KALRN: variants seen among roughly 807,000 people sequenced by gnomAD.
KALRN encodes the protein kalirin RhoGEF kinase.
A neutral mutation model predicts 353.7 loss-of-function variants in KALRN; 70 were observed. The observed-to-expected ratio is 0.20, with a 90% CI of 0.16 to 0.24. The LOEUF is 0.24. Ranked by LOEUF, KALRN falls within the 10% of genes least tolerant of loss-of-function variation. KALRN has a pLI of 1.00. For synonymous variants in KALRN, 1,391 were observed against 1,434.8 expected (o/e 0.97, Z 0.69); for missense variants, 2,791 against 3,756.7 (o/e 0.74, Z 6.72).
chr3:124,360,663 G>T (rs1176507806), intron 10 of KALRN, among the ~76,000 whole-genome samples: 2 of 152,188 alleles, frequency 1.3e-5, no homozygotes, highest in African/African-American at 4.8e-5. Flanking sequence ...TATTGATTCT[G>T]AAAGCAAACC....
intron 1 of KALRN, among the ~76,000 whole-genome samples, chr3:124,196,327 C>T (rs969109176): frequency 1.3e-5 from 2 of 152,068 alleles, no homozygotes; most frequent in African/African-American, 4.8e-5. Flanking sequence ...AGTCTTACTG[C>T]TGTTATTACA....
intron 7 of KALRN, among the ~76,000 whole-genome samples, 157 bp from the exon 8 acceptor site, chr3:124,329,704 T>C (rs1033174152): frequency 6.6e-6 from 1 of 152,054 alleles, no homozygotes; most frequent in African/African-American, 2.4e-5. Flanking sequence ...GGAGTTAGTG[T>C]TCATAGAATT....
chr3:124,314,848 T>A (rs1179142634), intron 6 of KALRN, among the ~76,000 whole-genome samples: 1 of 152,102 alleles, frequency 6.6e-6, no homozygotes, highest in Non-Finnish European at 1.5e-5. Context: ...AGATACAGGG[T>A]CTCACTATGT....
At position 124,268,806 on chromosome 3, in the gene KALRN, T is replaced by G; in HGVS notation, c.520T>G (p.Phe174Val). 6.2e-7 allele frequency: 1 copy of G among 1,613,920 alleles called. No individual in the cohort carries two copies. Among genetic ancestry groups the G allele is most frequent in the East Asian group, 2.2e-5 (1 of 44,872 alleles). The change falls in exon 5 of 60, where the codon TTT becomes GTT. Residue 174 changes from phenylalanine to valine, a missense_variant. This residue lies in a region of KALRN where 110 missense variants were observed against 204.1 expected (regional missense o/e 0.54). Coordinates refer to ENST00000682506, the MANE Select transcript of KALRN (RefSeq NM_001388419.1). ...LVDPSQLTEE[F>V]DGSLDYNHEE... ...GGACCCCTCCCAGCTGACGGAGGAG[T>G]TTGATGGCTCCCTGGACTACAACCA... is the stretch of plus-strand genomic sequence containing the variant.
intron 1 of KALRN, among the ~76,000 whole-genome samples, chr3:124,054,592 C>T (rs1485189552): frequency 6.6e-6 from 1 of 152,096 alleles, no homozygotes; most frequent in Non-Finnish European, 1.5e-5. Context: ...TCATGGTGCT[C>T]AGTTAGCCAG....
intron 34 of KALRN, among the ~76,000 whole-genome samples, chr3:124,566,951 C>T (rs2072916801): frequency 6.6e-6 from 1 of 152,144 alleles, no homozygotes; most frequent in Admixed American, 6.5e-5. Context: ...CTGTGTGAAG[C>T]AGGGACTATG....
intron 57 of KALRN, among the ~76,000 whole-genome samples, chr3:124,709,819 G>A (rs1280817285): frequency 1.3e-5 from 2 of 152,184 alleles, no homozygotes; most frequent in Non-Finnish European, 2.9e-5. Flanking sequence ...TACTAATTGA[G>A]AGAGCACCCG....
chr3:124,672,816 G>GTTAA (rs945790630), intron 48 of KALRN, among the ~76,000 whole-genome samples: 2 of 152,214 alleles, frequency 1.3e-5, no homozygotes, highest in Admixed American at 6.5e-5. Context: ...AGCCGAGTTA[G>GTTAA]TTAACCTCAT....
intron 34 of KALRN, among the ~76,000 whole-genome samples, chr3:124,587,405 CCTT>C (rs1313111294): frequency 6.6e-6 from 1 of 152,114 alleles, no homozygotes; most frequent in Non-Finnish European, 1.5e-5. Context: ...AAGGATACCT[CCTT>C]CTAAAGTCTG....
intron 9 of KALRN, among the ~76,000 whole-genome samples, chr3:124,345,039 A>G (rs2082131840): frequency 6.6e-6 from 1 of 152,220 alleles, no homozygotes; most frequent in South Asian, 2.1e-4. Context: ...AGCTAGAGAT[A>G]AAAAATGAGA....
intron 1 of KALRN, among the ~76,000 whole-genome samples, chr3:124,118,641 T>C (rs2063687402): frequency 6.6e-6 from 1 of 152,224 alleles, no homozygotes; most frequent in South Asian, 2.1e-4. Context: ...AGGCCACATG[T>C]AAATGCCAGG....
At chr3:124,581,645 C>T (rs2074643233) in intron 34 of KALRN, among the ~76,000 whole-genome samples, 1 of 152,122 alleles carries the variant, frequency 6.6e-6, no homozygotes, top group East Asian at 1.9e-4. Context: ...ACTGGTTATT[C>T]CCCATGAAAT....
At chr3:124,300,229 G>A (rs2077157286) in intron 6 of KALRN, among the ~76,000 whole-genome samples, 1 of 152,168 alleles carries the variant, frequency 6.6e-6, no homozygotes, top group Non-Finnish European at 1.5e-5. Flanking sequence ...CTGGCCTCAA[G>A]TTGTTCACTG....
chr3:124,085,490 G>A (rs2060765415), intron 1 of KALRN, among the ~76,000 whole-genome samples: 1 of 152,190 alleles, frequency 6.6e-6, no homozygotes, highest in South Asian at 2.1e-4. Context: ...GGAATGAATA[G>A]CATTTTCTCA....
chr3:124,223,939 G>A (rs1223978385), intron 1 of KALRN, among the ~76,000 whole-genome samples: 1 of 152,198 alleles, frequency 6.6e-6, no homozygotes, highest in East Asian at 1.9e-4. Flanking sequence ...GGATCCTGGG[G>A]AGATGGCAGG....
intron 5 of KALRN, 139 bp downstream of exon 5, chr3:124,269,394 T>C (rs746360980): frequency 5.6e-6 from 5 of 889,230 alleles, no homozygotes; most frequent in Non-Finnish European, 6.7e-6. Flanking sequence ...TAATGTAATT[T>C]TTTTAAGCTC....
chr3:124,564,572 T>TG (rs990804161), intron 34 of KALRN, among the ~76,000 whole-genome samples: 2 of 151,514 alleles, frequency 1.3e-5, no homozygotes, highest in African/African-American at 4.9e-5. Flanking sequence ...AGCTACTCAG[T>TG]GGGGGGCTGG....
chr3:124,446,705 A>T, intron 20 of KALRN, 58 bp from the exon 21 acceptor site: 1 of 1,607,302 alleles, frequency 6.2e-7, no homozygotes, highest in East Asian at 2.2e-5. Flanking sequence ...GTAGTATGGC[A>T]TGTTTTCCTA....
intron 7 of KALRN, among the ~76,000 whole-genome samples, chr3:124,327,523 G>A (rs1328804360): frequency 6.6e-6 from 1 of 152,086 alleles, no homozygotes; most frequent in East Asian, 1.9e-4. Flanking sequence ...TGTAAATTGT[G>A]TTTTATACAT....
Sources: allele counts gnomAD v4.1 joint callset (sites outside exome capture counted in the v4.1 genomes callset), GRCh38; gene constraint gnomAD v4.1.1; regional missense constraint gnomAD v4.1.1; transcripts MANE v1.5; gene names NCBI Gene and HGNC (gene_info 2026-07-23, HGNC 2026-07-21).